The following COBL variants were observed in gnomAD, a reference collection of about 807,000 sequenced individuals.
COBL encodes the protein cordon-bleu WH2 repeat protein, also known as protein cordon-bleu.
COBL carries 51 observed loss-of-function variants against 98.8 expected under a neutral mutation model. The observed-to-expected ratio is 0.52, with a 90% CI of 0.41 to 0.65. The LOEUF (loss-of-function observed/expected upper bound fraction) is 0.65. Among genes scored for constraint, COBL ranks in the 30% least tolerant of loss-of-function variants. COBL has a pLI of 0.00. For missense variants in COBL, 1,617 were observed against 1,617.5 expected (o/e 1.00, Z 0.01); for synonymous variants, 634 against 651.7 (o/e 0.97, Z 0.41).
chr7:51,315,766 C>A (rs1009642797), intron 1 of COBL, among the ~76,000 whole-genome samples: 1 of 151,930 alleles, frequency 6.6e-6, no homozygotes, highest in African/African-American at 2.4e-5. Flanking sequence ...CAGGGCTGCT[C>A]GTCCTGTTTG....
At chr7:51,219,612 T>A (rs1793420601) in intron 2 of COBL, 129 bp downstream of exon 2, 1 of 973,798 alleles carries the variant, frequency 1.0e-6, no homozygotes. Flanking sequence ...GCCCGATTTA[T>A]ATCCATGAGG....
intron 7 of COBL, among the ~76,000 whole-genome samples, chr7:51,070,539 G>T (rs1416712925): frequency 6.6e-6 from 1 of 152,080 alleles, no homozygotes; most frequent in African/African-American, 2.4e-5. Flanking sequence ...TGTTTGAAAG[G>T]CCCTCACTTT....
chr7:51,029,702 A>G, intron 9 of COBL, 111 bp from the exon 10 acceptor site: 1 of 873,488 alleles, frequency 1.1e-6, no homozygotes, highest in Admixed American at 2.9e-5. Context: ...CATTATTTAT[A>G]TACGTTTTAA....
chr7:51,294,065 C>T (rs1210663563), intron 1 of COBL, among the ~76,000 whole-genome samples: 7 of 152,102 alleles, frequency 4.6e-5, no homozygotes, highest in Non-Finnish European at 2.9e-5. Context: ...CAAAGGCTGG[C>T]AGATCACTTG....
At chr7:51,043,292 A>G in intron 8 of COBL, 91 bp downstream of exon 8, 2 of 1,276,996 alleles carry the variant, frequency 1.6e-6, no homozygotes, top group African/African-American at 1.5e-5. Flanking sequence ...AGGTTGTGAT[A>G]GCACGTGTTG....
chr7:51,233,239 C>T (rs1303958618), intron 1 of COBL, among the ~76,000 whole-genome samples: 9 of 152,312 alleles, frequency 5.9e-5, no homozygotes, highest in Non-Finnish European at 1.2e-4. Flanking sequence ...CAAATCAGTG[C>T]TGCCTTCAGC....
intron 2 of COBL, among the ~76,000 whole-genome samples, chr7:51,215,037 T>C (rs1391239651): frequency 6.6e-6 from 1 of 152,166 alleles, no homozygotes; most frequent in Non-Finnish European, 1.5e-5. Context: ...GGAGTCTTCT[T>C]CACAGTGCCT....
intron 4 of COBL, among the ~76,000 whole-genome samples, chr7:51,185,261 C>T (rs956438809): frequency 6.6e-6 from 1 of 152,218 alleles, no homozygotes; most frequent in Non-Finnish European, 1.5e-5. Flanking sequence ...TGCTTGGGCC[C>T]ACTCCAGACC....
At chr7:51,128,845 G>A (rs1287262709) in intron 6 of COBL, among the ~76,000 whole-genome samples, 1 of 152,228 alleles carries the variant, frequency 6.6e-6, no homozygotes, top group Non-Finnish European at 1.5e-5. Context: ...TGGTCTGAGA[G>A]GTGGCATGCA....
chr7:51,120,463 T>C (rs1407158578), intron 6 of COBL, among the ~76,000 whole-genome samples: 1 of 152,236 alleles, frequency 6.6e-6, no homozygotes, highest in Non-Finnish European at 1.5e-5. Flanking sequence ...AATAATTTTT[T>C]AAATTTTATC....
rs1340779394 is a variant in COBL, at chr7:51,202,189, TAA to T, written c.246-8602_246-8601del. Reference sequence around the variant, plus strand: ...AAAGTGCATCCATTAAGTGAAAAGGTAAAAGTTCCTGACTTAATAAGGAAAGA... The same window carrying T: ...AAAGTGCATCCATTAAGTGAAAAGGTAAGTTCCTGACTTAATAAGGAAAGA... On this transcript the variant is annotated intron_variant, in intron 2 of 12. Transcript: ENST00000265136. Among the ~76,000 whole-genome samples the T allele has an allele frequency of 2.0e-5, 3 of 151,998 alleles. No individual in the cohort carries two copies. In the East Asian group the frequency reaches 5.8e-4, roughly 29 times the overall value.
chr7:51,096,148 AAAATC>A (rs1795253808), intron 6 of COBL, among the ~76,000 whole-genome samples: 1 of 152,186 alleles, frequency 6.6e-6, no homozygotes, highest in Non-Finnish European at 1.5e-5. Context: ...TAAAAATATG[AAAATC>A]ATATCAAATA....
At chr7:51,099,106 A>G (rs1465641564) in intron 6 of COBL, among the ~76,000 whole-genome samples, 1 of 151,670 alleles carries the variant, frequency 6.6e-6, no homozygotes, top group Non-Finnish European at 1.5e-5. Flanking sequence ...AAAAAAAAAA[A>G]GAGAGAAAAC....
intron 2 of COBL, among the ~76,000 whole-genome samples, chr7:51,200,801 A>G (rs1421453565): frequency 1.3e-5 from 2 of 152,228 alleles, no homozygotes; most frequent in Non-Finnish European, 2.9e-5. Flanking sequence ...ATTCAAATGT[A>G]CTAAACTCTC....
At position 51,028,878 on chromosome 7, in the gene COBL, C is replaced by G. The variant is rs1333336495; in HGVS notation, c.2218G>C (p.Val740Leu). ...AIKIDELGNL[V>L]SPHATGIRII... ...CTGATGCCGGTGGCGTGAGGACTCA[C>G]CAAGTTCCCCAGCTCGTCAATCTTA... is the stretch of plus-strand genomic sequence containing the variant. Residue 740 changes from valine to leucine, a missense_variant, in exon 10 of 13, where the codon GTG (valine) becomes CTG (leucine). Physicochemically the swap from Val to Leu is conservative, Grantham distance 32. This residue lies in a region of COBL where 1,304 missense variants were observed against 1,282.0 expected (regional missense o/e 1.02). Transcript: ENST00000265136. 8 of 1,614,074 alleles carry G rather than the reference C, an allele frequency of 5.0e-6. No individual in the cohort carries two copies. Among genetic ancestry groups the G allele is most frequent in the Non-Finnish European group, 6.8e-6 (8 of 1,180,040 alleles).
chr7:51,112,467 A>G (rs1014760131), intron 6 of COBL, among the ~76,000 whole-genome samples: 3 of 152,226 alleles, frequency 2.0e-5, no homozygotes, highest in African/African-American at 7.2e-5. Flanking sequence ...ATGATCAATG[A>G]GCACTGTTTC....
chr7:51,172,650 T>A, intron 5 of COBL: 1 of 485,998 alleles, frequency 2.1e-6, no homozygotes, highest in South Asian at 2.5e-5. Flanking sequence ...ACCCTTCACT[T>A]AATAGGTGTA....
At chr7:51,260,904 T>C (rs868075252) in intron 1 of COBL, among the ~76,000 whole-genome samples, 2 of 152,250 alleles carry the variant, frequency 1.3e-5, no homozygotes, top group Middle Eastern at 3.4e-3. Flanking sequence ...TCTGGAGGGA[T>C]AGGGAGGGTA....
In COBL at chr7:51,027,845, C is replaced by T; in HGVS notation, c.3251G>A (p.Trp1084Ter). The change falls in exon 10 of 13, where the codon TGG (tryptophan) becomes TAG (stop). Residue 1084 changes from tryptophan (W) to a stop codon, truncating the protein, a stop_gained. Coordinates refer to ENST00000265136, the MANE Select transcript of COBL (RefSeq NM_015198.5). LOFTEE classifies it high-confidence loss of function. The stretch of plus-strand genomic sequence containing the variant: ...CTTCGGCCCAAAAATGCTGGGTGGC[C>T]AAATACTGTCTGTTTCATTTCCATC... The part of the protein sequence containing the change: ...STDGNETDSI[W>*]PPSIFGPKKK... 1.2e-6 allele frequency: 2 copies of T among 1,614,212 alleles called. No individual in the cohort carries two copies. The highest frequency in any genetic ancestry group is 1.7e-6 in the Non-Finnish European group (2 of 1,180,052).
Sources: gnomAD v4.1 joint callset for allele counts (sites outside exome capture counted in the v4.1 genomes callset) on GRCh38, gnomAD v4.1.1 for gene constraint, gnomAD v4.1.1 regional missense constraint, MANE v1.5 for transcripts, NCBI Gene and HGNC (gene_info 2026-07-23, HGNC 2026-07-21) for gene names.